TOMM40: variants seen among roughly 807,000 people sequenced by gnomAD.
TOMM40 encodes translocase of outer mitochondrial membrane 40.
TOMM40 carries 9 observed loss-of-function variants against 38.4 expected under a neutral mutation model. That is an observed-to-expected ratio of 0.23 (90% CI 0.14 to 0.41). The LOEUF (loss-of-function observed/expected upper bound fraction) is 0.41, where lower values mean the gene tolerates loss of function less well. Ranked by LOEUF, TOMM40 falls within the 10% of genes least tolerant of loss-of-function variation. The pLI is 1.00. For synonymous variants in TOMM40, 184 were observed against 210.0 expected (o/e 0.88, Z 1.07); for missense variants, 299 against 486.5 (o/e 0.61, Z 3.63).
Position 44,901,269 on chromosome 19 carries a change from G to A in TOMM40, c.905G>A (p.Gly302Glu). The change falls in exon 8 of 9, where the codon GGG becomes GAG. Residue 302 changes from glycine to glutamate, a missense_variant. By Grantham distance (98) the Gly-to-Glu change is moderately conservative (BLOSUM62 -2). Transcript: ENST00000426677. ...ATGCAGGACACCAGCGTCTCCTTCG[G>A]GTACCAGCTGGACCTGCCCAAGGCC... ...TRMQDTSVSF[G>E]YQLDLPKANL... 6.2e-7 allele frequency: 1 copy of A among 1,614,050 alleles called. No homozygotes were observed. The highest frequency in any genetic ancestry group is 8.5e-7 in the Non-Finnish European group (1 of 1,179,988).
Position 44,892,417 on chromosome 19 carries a change from G to A in TOMM40, c.299G>A (p.Gly100Asp). ...CKELFPIQME[G>D]VKLTVNKGLS... ...GAGCTGTTTCCCATTCAGATGGAGG[G>A]TGTCAAGCTCACAGTCAACAAAGGG... The change falls in exon 2 of 9, where the codon GGT becomes GAT. Residue 100 changes from glycine (G) to aspartate (D), a missense_variant. Coordinates refer to ENST00000426677, the MANE Select transcript of TOMM40 (RefSeq NM_001128917.2). 4.3e-6 allele frequency: 7 copies of A among 1,613,554 alleles called. No individual in the cohort carries two copies. The highest frequency in any genetic ancestry group is 5.9e-6 in the Non-Finnish European group (7 of 1,180,030).
In TOMM40 at chr19:44,902,910, G is replaced by T; in HGVS notation, c.947-120G>T. On this transcript the variant is annotated intron_variant, in intron 8 of 8. Coordinates refer to ENST00000426677, the MANE Select transcript of TOMM40 (RefSeq NM_001128917.2). ...GTGTGATGGGGTTTCAGGGTGGCAG[G>T]AGCAGTGTGGTTAAAGGTCTGGAAG... 3.9e-6 allele frequency: 5 copies of T among 1,296,098 alleles called. 1 individual carries two copies. Among genetic ancestry groups the T allele is most frequent in the Non-Finnish European group, 5.2e-6 (5 of 959,360 alleles). 80.3% of individuals were successfully genotyped at this position (1,296,098 alleles called of 1,614,324 possible).
intron 5 of TOMM40, among the ~76,000 whole-genome samples, chr19:44,896,362 G>GAA (rs1969566207): frequency 6.6e-6 from 1 of 152,150 alleles, no homozygotes; most frequent in Non-Finnish European, 1.5e-5. Flanking sequence ...CAGCCCTTCT[G>GAA]GGCTTCAGTC....
At position 44,903,271 on chromosome 19, in the gene TOMM40, C is replaced by G. The variant is rs1027957878; in HGVS notation, c.*102C>G. On this transcript the variant is annotated 3_prime_UTR_variant, in exon 9 of 9. Coordinates refer to ENST00000426677, the MANE Select transcript of TOMM40 (RefSeq NM_001128917.2). Reference sequence around the variant, plus strand: ...CTGAGCCCCCCTCCCTTCCCTCCCCCCTTGGGGGTCGGGGGGGACATTGGA... The same window carrying G: ...CTGAGCCCCCCTCCCTTCCCTCCCCGCTTGGGGGTCGGGGGGGACATTGGA... 10 of 1,264,130 alleles carry G rather than the reference C, an allele frequency of 7.9e-6. No homozygotes were observed. The highest frequency in any genetic ancestry group is 6.1e-5 in the South Asian group (4 of 65,222). 78.3% of individuals were successfully genotyped at this position (1,264,130 alleles called of 1,614,324 possible). A position where few individuals can be genotyped will look rare whatever the true frequency, so the allele number is the denominator to read the frequency against.
chr19:44,894,726 C>T (rs1047543110), intron 5 of TOMM40, among the ~76,000 whole-genome samples: 1 of 152,170 alleles, frequency 6.6e-6, no homozygotes, highest in African/African-American at 2.4e-5. Context: ...CCTCGCCTGG[C>T]CAGGGAAACA....
intron 8 of TOMM40, chr19:44,902,792 A>G (rs1467532231): frequency 2.2e-6 from 1 of 455,778 alleles, no homozygotes; most frequent in African/African-American, 2.0e-5. Context: ...AGGTTGGGGG[A>G]ACCCAGGGGT....
At chr19:44,900,100 G>A (rs1194142036) in intron 5 of TOMM40, among the ~76,000 whole-genome samples, 1 of 152,112 alleles carries the variant, frequency 6.6e-6, no homozygotes, top group Non-Finnish European at 1.5e-5. Flanking sequence ...GCAGCCCAAA[G>A]GTGGCAGTTC....
chr19:44,903,529 G>C lies in TOMM40; in HGVS notation c.*360G>C, dbSNP rs1969725249. 4.7e-6 allele frequency: 1 copy of C among 211,020 alleles called. No individual in the cohort carries two copies. The allele number at this position is 211,020 out of a possible 1,614,324, so 13.1% of individuals were successfully genotyped here. A position where few individuals can be genotyped will look rare whatever the true frequency, so the allele number is the denominator to read the frequency against. The stretch of plus-strand genomic sequence containing the variant: ...CAAAGGGCCTGGGCCCGCCCCGAGG[G>C]GGCAGCGAGAGGAGCTTCCCCATCC... On this transcript the variant is annotated 3_prime_UTR_variant, in exon 9 of 9. Transcript: ENST00000426677.
intron 5 of TOMM40, among the ~76,000 whole-genome samples, chr19:44,898,836 C>G (rs1354052910): frequency 1.3e-5 from 2 of 151,770 alleles, no homozygotes; most frequent in Non-Finnish European, 2.9e-5. Flanking sequence ...CCGTGCCCAG[C>G]CTCTTTTTTT....
In TOMM40 at chr19:44,903,266, TC is replaced by T; in HGVS notation, c.*103del. ...GAGACCTGAGCCCCCCTCCCTTCCC[TC>T]CCCCCTTGGGGGTCGGGGGGGACAT... On this transcript the variant is annotated 3_prime_UTR_variant, in exon 9 of 9. Transcript: ENST00000426677. 8.3e-7 allele frequency: 1 copy of T among 1,206,652 alleles called. No individual in the cohort carries two copies. Among genetic ancestry groups the T allele is most frequent in the Non-Finnish European group, 1.1e-6 (1 of 906,858 alleles). The allele number at this position is 1,206,652 out of a possible 1,614,324, so 74.7% of individuals were successfully genotyped here.
chr19:44,892,767 C>G (rs959923962), intron 2 of TOMM40, 70 bp from the exon 3 acceptor site: 2 of 1,327,966 alleles, frequency 1.5e-6, no homozygotes, highest in Admixed American at 1.8e-5. Context: ...GCCCAGAGAC[C>G]TTGTCCTTGC....
chr19:44,891,906 G>C (rs1969474118), intron 1 of TOMM40, among the ~76,000 whole-genome samples: 1 of 152,176 alleles, frequency 6.6e-6, no homozygotes. Context: ...GTAGAGAAAA[G>C]CCTTTAGGGA....
intron 5 of TOMM40, among the ~76,000 whole-genome samples, chr19:44,897,548 G>A (rs1049772901): frequency 4.3e-4 from 65 of 152,172 alleles, no homozygotes; most frequent in Non-Finnish European, 3.8e-4. Context: ...CACCTTCTGG[G>A]TTCAAGTGAT....
rs369567784 is a variant in TOMM40, at chr19:44,891,528, C to T, written c.113C>T (p.Pro38Leu). The change falls in exon 1 of 9, where the codon CCG becomes CTG. Residue 38 changes from proline (P) to leucine (L), a missense_variant. Physicochemically the swap from Pro to Leu is moderately conservative, Grantham distance 98. Coordinates refer to ENST00000426677, the MANE Select transcript of TOMM40 (RefSeq NM_001128917.2). Reference protein sequence around the residue: ...PPPSPPGFTLPPLGGSLGAGT... With the variant: ...PPPSPPGFTLLPLGGSLGAGT... Reference sequence around the variant, plus strand: ...CCCTCGCCGCCGGGCTTCACGCTGCCGCCGCTGGGAGGCAGCCTGGGCGCC... The same window carrying T: ...CCCTCGCCGCCGGGCTTCACGCTGCTGCCGCTGGGAGGCAGCCTGGGCGCC... 11 of 1,409,522 alleles carry T rather than the reference C, an allele frequency of 7.8e-6. No homozygotes were observed. Among genetic ancestry groups the T allele is most frequent in the East Asian group, 3.1e-5 (1 of 32,610 alleles). 87.3% of individuals were successfully genotyped at this position (1,409,522 alleles called of 1,614,324 possible). A position where few individuals can be genotyped will look rare whatever the true frequency, so the allele number is the denominator to read the frequency against.
rs968163315 is a variant in TOMM40 at position 44,903,649 on chromosome 19, AAACAAAAAAC to A, written c.*490_*499del. 6 of 153,466 alleles carry A rather than the reference AAACAAAAAAC, an allele frequency of 3.9e-5. No homozygotes were observed. Among genetic ancestry groups the A allele is most frequent in the African/African-American group, 1.4e-4 (6 of 41,498 alleles). The allele number at this position is 153,466 out of a possible 1,614,324, so 9.5% of individuals were successfully genotyped here. Reference sequence around the variant, plus strand: ...AGAACCGGGACATTTTACAGAAAAAAAACAAAAAACAACAAAAAATATACGTGGGAAAAAA... The same window carrying A: ...AGAACCGGGACATTTTACAGAAAAAAAACAAAAAATATACGTGGGAAAAAA... On this transcript the variant is annotated 3_prime_UTR_variant, in exon 9 of 9. Coordinates refer to ENST00000426677, the MANE Select transcript of TOMM40 (RefSeq NM_001128917.2).
At chr19:44,899,239 T>C (rs1430081621) in intron 5 of TOMM40, among the ~76,000 whole-genome samples, 2 of 152,078 alleles carry the variant, frequency 1.3e-5, no homozygotes, top group Non-Finnish European at 2.9e-5. Flanking sequence ...CTTGACCTTC[T>C]GAGCTCAAGT....
At chr19:44,893,050 T>C (rs773470650) in intron 3 of TOMM40, 121 bp downstream of exon 3, 2 of 757,834 alleles carry the variant, frequency 2.6e-6, no homozygotes, top group Non-Finnish European at 2.2e-6. Flanking sequence ...GAGATGGGGA[T>C]TGCATCTCTC....
chr19:44,899,476 G>C, intron 5 of TOMM40, among the ~76,000 whole-genome samples: 1 of 152,062 alleles, frequency 6.6e-6, no homozygotes, highest in East Asian at 1.9e-4. Context: ...TGGGACTACA[G>C]GTGTGCACCA....
chr19:44,902,777 G>A, intron 8 of TOMM40: 1 of 426,988 alleles, frequency 2.3e-6, no homozygotes, highest in Non-Finnish European at 4.2e-6. Flanking sequence ...AGAGTGGGCA[G>A]GACTAGGTTG....
Sources: allele counts gnomAD v4.1 joint callset (sites outside exome capture counted in the v4.1 genomes callset), GRCh38; gene constraint gnomAD v4.1.1; transcripts MANE v1.5; gene names NCBI Gene and HGNC (gene_info 2026-07-23, HGNC 2026-07-21).